Variants in FAM13A observed in about 807,000 individuals in gnomAD.
FAM13A encodes protein FAM13A.
FAM13A carries 76 observed loss-of-function variants against 129.6 expected under a neutral mutation model. That is an observed-to-expected ratio of 0.59 (90% CI 0.49 to 0.71). FAM13A has a LOEUF of 0.71. Ranked by LOEUF, FAM13A falls within the 30% of genes least tolerant of loss-of-function variation. FAM13A has a pLI of 0.00. For missense variants in FAM13A, 1,108 were observed against 1,249.3 expected, an observed-to-expected ratio of 0.89 and a Z score of 1.70; for synonymous variants, 443 against 449.9, an observed-to-expected ratio of 0.98 and a Z score of 0.20.
At chr4:88,837,979 T>C (rs1561127444) in intron 7 of FAM13A, among the ~76,000 whole-genome samples, 1 of 152,176 alleles carries the variant, frequency 6.6e-6, no homozygotes, top group African/African-American at 2.4e-5. Context: ...TGCTTCTTTA[T>C]TGAACATGCA....
At chr4:88,876,503 T>A (rs1742500885) in intron 6 of FAM13A, among the ~76,000 whole-genome samples, 1 of 152,078 alleles carries the variant, frequency 6.6e-6, no homozygotes, top group Non-Finnish European at 1.5e-5. Context: ...AAACAGAATT[T>A]TTTTCTTATT....
At chr4:88,960,410 C>A (rs983489123) in intron 4 of FAM13A, among the ~76,000 whole-genome samples, 12 of 152,088 alleles carry the variant, frequency 7.9e-5, no homozygotes, top group African/African-American at 2.9e-4. Context: ...TGATTAGGTT[C>A]AATTACAAAA....
chr4:88,955,754 G>C (rs1240543728), intron 4 of FAM13A, among the ~76,000 whole-genome samples: 1 of 152,202 alleles, frequency 6.6e-6, no homozygotes, highest in Non-Finnish European at 1.5e-5. Flanking sequence ...CTTTAGCAAA[G>C]AGACTGGCAG....
chr4:88,918,196 G>A (rs1379663825), intron 5 of FAM13A, among the ~76,000 whole-genome samples: 1 of 152,136 alleles, frequency 6.6e-6, no homozygotes, highest in East Asian at 1.9e-4. Flanking sequence ...CATATTGTGG[G>A]CACTCGAGAA....
At chr4:88,731,878 C>A in intron 22 of FAM13A, 124 bp downstream of exon 22, 2 of 765,960 alleles carry the variant, frequency 2.6e-6, no homozygotes, top group Non-Finnish European at 2.0e-6. Context: ...CCGTTTTATC[C>A]AGATACACCC....
At chr4:88,937,993 G>A (rs960120906) in intron 5 of FAM13A, 95 bp downstream of exon 5, 1 of 882,770 alleles carries the variant, frequency 1.1e-6, no homozygotes, top group Non-Finnish European at 1.9e-6. Context: ...TAATCTGAGG[G>A]TTATATCCAT....
chr4:89,027,765 T>C (rs1038274235), intron 2 of FAM13A, among the ~76,000 whole-genome samples: 1 of 152,070 alleles, frequency 6.6e-6, no homozygotes, highest in Admixed American at 6.5e-5. Flanking sequence ...CAATGATCAA[T>C]CTGCAAATTG....
At chr4:88,738,630 C>T (rs536296388) in intron 20 of FAM13A, among the ~76,000 whole-genome samples, 31 of 152,272 alleles carry the variant, frequency 2.0e-4, no homozygotes, top group African/African-American at 6.7e-4. Flanking sequence ...GGAGTTATCC[C>T]TCTCTTGGAT....
intron 1 of FAM13A, among the ~76,000 whole-genome samples, chr4:89,046,074 A>G (rs1013763463): frequency 4.6e-5 from 7 of 151,920 alleles, no homozygotes; most frequent in Non-Finnish European, 7.4e-5. Flanking sequence ...CATATTTAAT[A>G]ATCAGCCAAG....
At chr4:88,763,690 T>C (rs984361293) in intron 13 of FAM13A, among the ~76,000 whole-genome samples, 38 of 152,216 alleles carry the variant, frequency 2.5e-4, no homozygotes, top group African/African-American at 8.9e-4. Flanking sequence ...GCACAGGATA[T>C]AGTTAAGTGG....
At chr4:89,016,578 T>C (rs1290115850) in intron 3 of FAM13A, among the ~76,000 whole-genome samples, 1 of 152,172 alleles carries the variant, frequency 6.6e-6, no homozygotes, top group Non-Finnish European at 1.5e-5. Context: ...CCTATACAGG[T>C]GTACCATTTA....
intron 6 of FAM13A, among the ~76,000 whole-genome samples, chr4:88,892,505 A>G (rs1270610370): frequency 1.3e-5 from 2 of 152,124 alleles, no homozygotes; most frequent in Admixed American, 1.3e-4. Flanking sequence ...AGAAACAACA[A>G]CAACAAAAAT....
At chr4:88,772,216 AG>A (rs1720810766) in intron 11 of FAM13A, among the ~76,000 whole-genome samples, 1 of 152,210 alleles carries the variant, frequency 6.6e-6, no homozygotes. Flanking sequence ...GAGCTCTAAG[AG>A]GAGAATATTT....
intron 6 of FAM13A, among the ~76,000 whole-genome samples, chr4:88,879,799 G>A (rs1202934878): frequency 6.6e-6 from 1 of 152,208 alleles, no homozygotes; most frequent in Non-Finnish European, 1.5e-5. Flanking sequence ...TGAGTGACCA[G>A]CAAGAGCAGA....
chr4:88,982,385 G>T (rs1032815154), intron 4 of FAM13A, among the ~76,000 whole-genome samples: 4 of 152,210 alleles, frequency 2.6e-5, no homozygotes, highest in African/African-American at 9.6e-5. Context: ...AATTTTAAAT[G>T]TATTTAATTA....
chr4:88,838,981 T>C (rs1283196016), intron 7 of FAM13A, among the ~76,000 whole-genome samples: 2 of 152,198 alleles, frequency 1.3e-5, no homozygotes, highest in Non-Finnish European at 2.9e-5. Context: ...TTTGTGTTTT[T>C]TTCATTGTTT....
At chr4:88,961,117 T>C (rs1016789668) in intron 4 of FAM13A, among the ~76,000 whole-genome samples, 1 of 152,156 alleles carries the variant, frequency 6.6e-6, no homozygotes, top group African/African-American at 2.4e-5. Flanking sequence ...AGTTTGAATG[T>C]TGGCCTAGAA....
chr4:88,823,143 C>G (rs1732364375), intron 7 of FAM13A: 25 of 1,503,536 alleles, frequency 1.7e-5, no homozygotes, highest in Non-Finnish European at 2.2e-5. Context: ...GGAGAAACAA[C>G]TTGCTCTGCA....
At chr4:88,927,506 G>A (rs574387525) in intron 5 of FAM13A, among the ~76,000 whole-genome samples, 144 of 145,674 alleles carry the variant, frequency 9.9e-4, no homozygotes, top group African/African-American at 3.5e-3. Flanking sequence ...TCTCTTGGTA[G>A]AATTTTTTTT....
Sources: allele counts gnomAD v4.1 joint callset (sites outside exome capture counted in the v4.1 genomes callset), GRCh38; gene constraint gnomAD v4.1.1; transcripts MANE v1.5; gene names NCBI Gene and HGNC (gene_info 2026-07-23, HGNC 2026-07-21).